PHYHIPL: variants seen among roughly 807,000 people sequenced by gnomAD.
PHYHIPL encodes phytanoyl-CoA 2-hydroxylase interacting protein like, also known as phytanoyl-CoA hydroxylase-interacting protein-like.
A neutral mutation model predicts 33.4 loss-of-function variants in PHYHIPL; 9 were observed. The ratio of observed to expected loss-of-function variants is 0.27; its 90% CI spans 0.16 to 0.47. The LOEUF is 0.47. PHYHIPL is among the 20% of genes least tolerant of loss of function. The probability of loss-of-function intolerance (pLI) is 0.99; values close to 1 mark genes in which losing one functional copy is unlikely to be tolerated. For missense variants in PHYHIPL, 365 were observed against 460.7 expected (o/e 0.79, Z 1.90); for synonymous variants, 153 against 154.1 (o/e 0.99, Z 0.05).
intron 1 of PHYHIPL, among the ~76,000 whole-genome samples, chr10:59,200,985 T>G (rs1839088212): frequency 6.6e-6 from 1 of 152,208 alleles, no homozygotes; most frequent in African/African-American, 2.4e-5. Context: ...TCTATCCATT[T>G]TGTTGATCTT....
chr10:59,186,348 A>G (rs1257900302), intron 1 of PHYHIPL, among the ~76,000 whole-genome samples: 1 of 152,176 alleles, frequency 6.6e-6, no homozygotes, highest in Non-Finnish European at 1.5e-5. Context: ...TACCAGTACC[A>G]TGCTGTTTTG....
rs1048520756 is a variant in PHYHIPL, at chr10:59,176,670, C to T, written c.-184C>T. 7.2e-5 allele frequency: 41 copies of T among 571,242 alleles called. No homozygotes were observed. Among genetic ancestry groups the T allele is most frequent in the Middle Eastern group, 9.4e-4 (2 of 2,132 alleles). The allele number at this position is 571,242 out of a possible 1,614,324, so 35.4% of individuals were successfully genotyped here. ...AGCCGCACACTCCGCGGAGCTCCTGCCACAGCCGTCGCCTTCGCGGCGGCT... is the reference window on the plus strand; with the variant it reads ...AGCCGCACACTCCGCGGAGCTCCTGTCACAGCCGTCGCCTTCGCGGCGGCT... On this transcript the variant is annotated 5_prime_UTR_variant, in exon 1 of 5. Coordinates refer to ENST00000373880, the MANE Select transcript of PHYHIPL (RefSeq NM_032439.4).
At chr10:59,213,636 A>T (rs1839528737) in intron 1 of PHYHIPL, among the ~76,000 whole-genome samples, 1 of 152,176 alleles carries the variant, frequency 6.6e-6, no homozygotes, top group Non-Finnish European at 1.5e-5. Flanking sequence ...CCAGCCACAG[A>T]ATGTACAGCA....
At chr10:59,184,234 C>T (rs185351189) in intron 1 of PHYHIPL, among the ~76,000 whole-genome samples, 13 of 152,278 alleles carry the variant, frequency 8.5e-5, no homozygotes, top group South Asian at 6.2e-4. Flanking sequence ...TACAGCCATA[C>T]TCATTTGTTT....
At chr10:59,174,091 A>C (rs1838212889), upstream of PHYHIPL, among the ~76,000 whole-genome samples, 1 of 151,698 alleles carries the variant, frequency 6.6e-6, no homozygotes, top group Admixed American at 6.6e-5. Context: ...TCAGCCTGAT[A>C]TCTTCCCAGA....
At chr10:59,238,810 T>A in intron 4 of PHYHIPL, 105 bp downstream of exon 4, 1 of 624,680 alleles carries the variant, frequency 1.6e-6, no homozygotes, top group Non-Finnish European at 2.7e-6. Context: ...ATTCTAGATT[T>A]CTTTTCAAAA....
intron 4 of PHYHIPL, among the ~76,000 whole-genome samples, chr10:59,243,882 A>G (rs1840507755): frequency 6.6e-6 from 1 of 152,194 alleles, no homozygotes; most frequent in Non-Finnish European, 1.5e-5. Flanking sequence ...TAAAGGAACC[A>G]AGAACTAGCA....
intron 4 of PHYHIPL, among the ~76,000 whole-genome samples, chr10:59,244,423 G>C (rs1003459635): frequency 5.9e-5 from 9 of 151,828 alleles, no homozygotes; most frequent in African/African-American, 2.2e-4. Context: ...AATTAGCTGG[G>C]CATGGTGGCA....
At chr10:59,238,917 G>A (rs934598425) in intron 4 of PHYHIPL, 6 of 467,000 alleles carry the variant, frequency 1.3e-5, no homozygotes, top group Non-Finnish European at 1.9e-5. Context: ...AATCATTTGT[G>A]ATACCAGTTC....
At position 59,247,629 on chromosome 10, in the gene PHYHIPL, C is replaced by G; in HGVS notation, c.*2038C>G. 1 of 1,613,224 alleles carries G rather than the reference C, an allele frequency of 6.2e-7. No homozygotes were observed. On this transcript the variant is annotated 3_prime_UTR_variant, in exon 5 of 5. Transcript: ENST00000373880. ...TTCCTGAACCTCAAATAGTTTTGGCCACATCTTGCTTGCTGATGAGGACCT... is the reference window on the plus strand; with the variant it reads ...TTCCTGAACCTCAAATAGTTTTGGCGACATCTTGCTTGCTGATGAGGACCT...
At chr10:59,241,223 A>G (rs756890390) in intron 4 of PHYHIPL, among the ~76,000 whole-genome samples, 8 of 152,118 alleles carry the variant, frequency 5.3e-5, no homozygotes, top group Non-Finnish European at 1.0e-4. Context: ...ATTAAAATCC[A>G]TTTTAAATAT....
In PHYHIPL at chr10:59,245,658, A is replaced by G. The variant is rs1306257405; in HGVS notation, c.*67A>G. 4.1e-6 allele frequency: 6 copies of G among 1,468,504 alleles called. No individual in the cohort carries two copies. Among genetic ancestry groups the G allele is most frequent in the South Asian group, 1.4e-5 (1 of 73,086 alleles). 91.0% of individuals were successfully genotyped at this position (1,468,504 alleles called of 1,614,324 possible). A position where few individuals can be genotyped will look rare whatever the true frequency, so the allele number is the denominator to read the frequency against. ...TAGGAGCATTGGTCCTCTGTTGTCC[A>G]TTTTTATCACCAGATGTTTTCCACT... is the stretch of plus-strand genomic sequence containing the variant. On this transcript the variant is annotated 3_prime_UTR_variant, in exon 5 of 5. Transcript: ENST00000373880.
rs142335772 is a variant in PHYHIPL, at chr10:59,218,055, G to A, written c.107-16249G>A. On this transcript the variant is annotated intron_variant, in intron 1 of 4. Coordinates refer to ENST00000373880, the MANE Select transcript of PHYHIPL (RefSeq NM_032439.4). ...CCCAAAGTTGCCAGTGGCATTGCTC[G>A]GAGTCATCCAAGTCCCTGAGCTAAG... is the stretch of plus-strand genomic sequence containing the variant. 1.7e-3 allele frequency among the ~76,000 whole-genome samples: 258 copies of A among 152,170 alleles called. 9 individuals are homozygous for A. In the East Asian group the frequency reaches 0.04, roughly 24 times the overall value.
At chr10:59,196,111 G>A (rs1230086374) in intron 1 of PHYHIPL, among the ~76,000 whole-genome samples, 1 of 151,970 alleles carries the variant, frequency 6.6e-6, no homozygotes, top group African/African-American at 2.4e-5. Context: ...ATTCTTGTGT[G>A]ATACCTTTTC....
chr10:59,241,327 C>T (rs930841688), intron 4 of PHYHIPL, among the ~76,000 whole-genome samples: 2 of 149,880 alleles, frequency 1.3e-5, no homozygotes, highest in Admixed American at 6.6e-5. Flanking sequence ...TTATGAAAAA[C>T]TGGATAAATA....
At chr10:59,230,430 G>T (rs1840046423) in intron 1 of PHYHIPL, among the ~76,000 whole-genome samples, 1 of 151,882 alleles carries the variant, frequency 6.6e-6, no homozygotes. Context: ...GCCTAGGCTG[G>T]TCTCTAACTC....
chr10:59,211,631 G>A (rs980407468), intron 1 of PHYHIPL, among the ~76,000 whole-genome samples: 22 of 114,216 alleles, frequency 1.9e-4, no homozygotes, highest in Admixed American at 8.2e-4. Context: ...CCGCCTCAGC[G>A]TCCCAAAGTC....
chr10:59,191,772 A>G (rs577333222), intron 1 of PHYHIPL, among the ~76,000 whole-genome samples: 2 of 152,148 alleles, frequency 1.3e-5, no homozygotes, highest in South Asian at 2.1e-4. Context: ...ATAAGTAACA[A>G]CATATCCATT....
intron 4 of PHYHIPL, among the ~76,000 whole-genome samples, chr10:59,244,574 A>AAAAAAAAAAAAAAAAAAAAAAAC: frequency 2.7e-5 from 4 of 146,874 alleles, no homozygotes; most frequent in Non-Finnish European, 6.0e-5. Context: ...AAAAAAAAAA[A>AAAAAAAAAAAAAAAAAAAAAAAC]AAAAAAAAAA....
Sources: allele counts gnomAD v4.1 joint callset (sites outside exome capture counted in the v4.1 genomes callset), GRCh38; gene constraint gnomAD v4.1.1; transcripts MANE v1.5; gene names NCBI Gene and HGNC (gene_info 2026-07-23, HGNC 2026-07-21).